Variants in ANKFN1 observed in about 807,000 individuals in gnomAD.
ANKFN1 encodes ankyrin repeat and fibronectin type-III domain-containing protein 1.
A neutral mutation model predicts 108.7 loss-of-function variants in ANKFN1; 74 were observed. That is an observed-to-expected ratio of 0.68 (90% CI 0.56 to 0.83). The LOEUF (loss-of-function observed/expected upper bound fraction) is 0.83, where lower values mean the gene tolerates loss of function less well. ANKFN1 is among the 40% of genes least tolerant of loss of function. ANKFN1 has a pLI of 0.00. For synonymous variants in ANKFN1, 547 were observed against 516.2 expected (o/e 1.06, Z -0.81); for missense variants, 1,505 against 1,382.3 (o/e 1.09, Z -1.41).
intron 8 of ANKFN1, among the ~76,000 whole-genome samples, chr17:56,388,047 C>A (rs149319197): frequency 4.0e-4 from 61 of 152,246 alleles, no homozygotes; most frequent in African/African-American, 1.5e-3. Context: ...CTCTTCTTCT[C>A]ATAGTCAGCC....
chr17:56,073,095 C>T, intron 4 of ANKFN1, among the ~76,000 whole-genome samples: 1 of 151,410 alleles, frequency 6.6e-6, no homozygotes, highest in East Asian at 1.9e-4. Flanking sequence ...CGGGTTCACG[C>T]CATTCTCCTG....
chr17:56,207,166 G>GT (rs1914611485), intron 1 of ANKFN1, among the ~76,000 whole-genome samples: 1 of 152,168 alleles, frequency 6.6e-6, no homozygotes, highest in African/African-American at 2.4e-5. Flanking sequence ...CTGGAATTCT[G>GT]TAGACTAGTG....
intron 20 of ANKFN1, among the ~76,000 whole-genome samples, chr17:56,507,282 A>G (rs1439502284): frequency 6.6e-6 from 1 of 152,202 alleles, no homozygotes; most frequent in African/African-American, 2.4e-5. Context: ...AGGCTTTTTT[A>G]AAGAATATCA....
At chr17:56,307,346 T>C (rs1477312267) in intron 3 of ANKFN1, among the ~76,000 whole-genome samples, 1 of 152,056 alleles carries the variant, frequency 6.6e-6, no homozygotes, top group African/African-American at 2.4e-5. Context: ...AGGGCTAATA[T>C]CCAGAATCTA....
chr17:56,373,682 A>T (rs2046872042), intron 7 of ANKFN1, among the ~76,000 whole-genome samples: 1 of 152,204 alleles, frequency 6.6e-6, no homozygotes, highest in Non-Finnish European at 1.5e-5. Context: ...TCTAGGCCTA[A>T]TCCTTTCTCT....
intron 1 of ANKFN1, among the ~76,000 whole-genome samples, chr17:56,175,337 C>A (rs1259933107): frequency 2.0e-5 from 3 of 151,898 alleles, no homozygotes; most frequent in Admixed American, 2.0e-4. Context: ...GTAAAACTAA[C>A]AAACAAAAAA....
chr17:56,112,731 T>A (rs1006994184), intron 4 of ANKFN1, among the ~76,000 whole-genome samples: 1 of 152,240 alleles, frequency 6.6e-6, no homozygotes, highest in Admixed American at 6.5e-5. Flanking sequence ...CGTGGAGAAC[T>A]ATGCCAATAT....
At chr17:56,491,794 C>G (rs543954989) in intron 18 of ANKFN1, among the ~76,000 whole-genome samples, 1 of 152,144 alleles carries the variant, frequency 6.6e-6, no homozygotes, top group Non-Finnish European at 1.5e-5. Context: ...GACATGAAAA[C>G]CAAAACTAGG....
chr17:56,350,150 A>G (rs2046208209), intron 4 of ANKFN1, among the ~76,000 whole-genome samples: 1 of 152,168 alleles, frequency 6.6e-6, no homozygotes, highest in East Asian at 1.9e-4. Context: ...CAGCCAGGGT[A>G]TCTGGGGTAA....
At chr17:56,476,647 T>G (rs1018678645) in intron 15 of ANKFN1, among the ~76,000 whole-genome samples, 3 of 152,194 alleles carry the variant, frequency 2.0e-5, no homozygotes, top group African/African-American at 7.2e-5. Flanking sequence ...CTAGAAGTGG[T>G]AGACCAGTTA....
chr17:56,138,086 A>G (rs1907696210), intron 4 of ANKFN1, among the ~76,000 whole-genome samples: 1 of 152,238 alleles, frequency 6.6e-6, no homozygotes, highest in Non-Finnish European at 1.5e-5. Context: ...CAAGAAATTC[A>G]GAGAATAGCT....
intron 3 of ANKFN1, among the ~76,000 whole-genome samples, chr17:56,257,540 C>G (rs1406627887): frequency 1.3e-5 from 2 of 152,158 alleles, no homozygotes; most frequent in Non-Finnish European, 2.9e-5. Flanking sequence ...TTCTCCACAC[C>G]AAACTTAGCT....
chr17:56,414,409 A>T (rs2048180849), intron 8 of ANKFN1, among the ~76,000 whole-genome samples: 1 of 152,200 alleles, frequency 6.6e-6, no homozygotes, highest in South Asian at 2.1e-4. Flanking sequence ...CTAGTATTAC[A>T]CTTATACTAT....
chr17:56,451,743 T>C (rs1407718783), intron 11 of ANKFN1, among the ~76,000 whole-genome samples: 1 of 152,150 alleles, frequency 6.6e-6, no homozygotes, highest in Non-Finnish European at 1.5e-5. Context: ...TGGCAAACTG[T>C]AACTTATTTT....
chr17:56,152,260 A>ATGTG (rs747513318), upstream of ANKFN1, among the ~76,000 whole-genome samples: 2,105 of 128,550 alleles, frequency 0.016, 46 homozygotes, highest in Admixed American at 0.075. Flanking sequence ...ATATATATAT[A>ATGTG]TATGTGTGTG....
At chr17:56,443,758 T>C (rs1390989996) in intron 10 of ANKFN1, among the ~76,000 whole-genome samples, 2 of 152,226 alleles carry the variant, frequency 1.3e-5, no homozygotes. Context: ...CATTCTCTAT[T>C]AACCAGAAAA....
intron 8 of ANKFN1, among the ~76,000 whole-genome samples, chr17:56,382,302 T>C (rs1160303959): frequency 6.6e-6 from 1 of 152,064 alleles, no homozygotes; most frequent in East Asian, 1.9e-4. Flanking sequence ...CACCACCAGG[T>C]CTGCCCTAAA....
At chr17:56,236,702 C>T (rs779846228) in intron 3 of ANKFN1, among the ~76,000 whole-genome samples, 10 of 152,148 alleles carry the variant, frequency 6.6e-5, no homozygotes, top group Non-Finnish European at 1.3e-4. Context: ...TGCCTGATTG[C>T]TCTGGCCAGG....
At chr17:56,433,684 G>A (rs1295472138) in intron 8 of ANKFN1, among the ~76,000 whole-genome samples, 1 of 152,152 alleles carries the variant, frequency 6.6e-6, no homozygotes, top group Admixed American at 6.5e-5. Flanking sequence ...AGGGGAAAGG[G>A]CGGGAAGGGG....
Sources: gnomAD v4.1 joint callset for allele counts (sites outside exome capture counted in the v4.1 genomes callset) on GRCh38, gnomAD v4.1.1 for gene constraint, MANE v1.5 for transcripts, NCBI Gene and HGNC (gene_info 2026-07-23, HGNC 2026-07-21) for gene names.